Variants in VSNL1 observed in about 807,000 individuals in gnomAD.
VSNL1 encodes visinin-like protein 1.
In VSNL1, 6 loss-of-function variants were observed where a neutral mutation model predicts 20.4. The ratio of observed to expected loss-of-function variants is 0.29; its 90% CI spans 0.16 to 0.58. The LOEUF (loss-of-function observed/expected upper bound fraction) is 0.58. Ranked by LOEUF, VSNL1 falls within the 20% of genes least tolerant of loss-of-function variation. The pLI is 0.90. For synonymous variants in VSNL1, 93 were observed against 86.4 expected (o/e 1.08, Z -0.42); for missense variants, 100 against 234.5 (o/e 0.43, Z 3.75).
intron 2 of VSNL1, among the ~76,000 whole-genome samples, chr2:17,623,669 C>CAAAAAAAAAAA: frequency 1.4e-5 from 1 of 70,350 alleles, no homozygotes; most frequent in Non-Finnish European, 2.7e-5. Context: ...GACTCCATCT[C>CAAAAAAAAAAA]AAAAAAAAAA....
intron 2 of VSNL1, among the ~76,000 whole-genome samples, chr2:17,592,763 T>C (rs1330667822): frequency 6.7e-6 from 1 of 148,740 alleles, no homozygotes; most frequent in Non-Finnish European, 1.5e-5. Flanking sequence ...GAGTGTAGCG[T>C]ATCTCTGGTC....
chr2:17,649,649 G>A lies in VSNL1; in HGVS notation c.378+24G>A, dbSNP rs772815646. On this transcript the variant is annotated intron_variant, in intron 3 of 3. Coordinates refer to ENST00000295156, the MANE Select transcript of VSNL1 (RefSeq NM_003385.5). The surrounding 1 kb of genome is among the most constrained non-coding windows in gnomAD (Gnocchi z 6.4). The stretch of plus-strand genomic sequence containing the variant: ...AGGTGAGGCCCGGGGTGTGGTTGGC[G>A]GGTGGTGGGCACAGAAGGAGACCCC... 1.5e-5 allele frequency: 24 copies of A among 1,612,352 alleles called. No homozygotes were observed. Among genetic ancestry groups the A allele is most frequent in the South Asian group, 9.9e-5 (9 of 90,944 alleles).
intron 2 of VSNL1, among the ~76,000 whole-genome samples, chr2:17,606,218 T>C (rs187807442): frequency 1.3e-5 from 2 of 152,312 alleles, no homozygotes; most frequent in East Asian, 3.9e-4. Flanking sequence ...GTGCTTTCCT[T>C]TCCTATAGTC....
At position 17,642,523 on chromosome 2, in the gene VSNL1, T is replaced by C. The variant is rs181598079; in HGVS notation, c.163-6887T>C. ...CAGGGTTTCACCGTGTTAGCCAGGA[T>C]GGTCTCGATCTCTTGACCTTGTGAT... On this transcript the variant is annotated intron_variant, in intron 2 of 3. Coordinates refer to ENST00000295156, the MANE Select transcript of VSNL1 (RefSeq NM_003385.5). Among the ~76,000 whole-genome samples, 1,140 of 152,164 alleles carry C rather than the reference T, an allele frequency of 7.5e-3. 10 individuals are homozygous for C. The highest frequency in any genetic ancestry group is 0.026 in the African/African-American group (1,073 of 41,504).
At chr2:17,605,278 T>C (rs1418799687) in intron 2 of VSNL1, among the ~76,000 whole-genome samples, 1 of 152,212 alleles carries the variant, frequency 6.6e-6, no homozygotes, top group Non-Finnish European at 1.5e-5. Flanking sequence ...TAGGATCTGC[T>C]CCAGGGGACT....
rs145570987 is a variant in VSNL1, at chr2:17,653,556, G to A, written c.379-1641G>A. Among the ~76,000 whole-genome samples, 52 of 152,216 alleles carry A rather than the reference G, an allele frequency of 3.4e-4. No individual in the cohort carries two copies. The East Asian group carries it at 6.8e-3, about 20-fold the overall frequency. On this transcript the variant is annotated intron_variant, in intron 3 of 3. Coordinates refer to ENST00000295156, the MANE Select transcript of VSNL1 (RefSeq NM_003385.5). ...CCAATTATCCACAAAATGAAATTTC[G>A]GAAAGTCTGCCTCTTTTAGAGACAA...
At chr2:17,640,255 A>AG (rs1665853940) in intron 2 of VSNL1, among the ~76,000 whole-genome samples, 1 of 150,134 alleles carries the variant, frequency 6.7e-6, no homozygotes, top group Non-Finnish European at 1.5e-5. Context: ...TCTGTTTCAA[A>AG]AAAAAAAAAA....
chr2:17,642,309 C>CTGTTTTTTTTTTT (rs1665897688), intron 2 of VSNL1, among the ~76,000 whole-genome samples: 1 of 93,194 alleles, frequency 1.1e-5, no homozygotes, highest in Non-Finnish European at 2.3e-5. Context: ...GTGAGCATTC[C>CTGTTTTTTTTTTT]TTTTTTTTTT....
intron 2 of VSNL1, among the ~76,000 whole-genome samples, chr2:17,627,497 A>G (rs945541010): frequency 6.6e-6 from 1 of 152,182 alleles, no homozygotes; most frequent in African/African-American, 2.4e-5. Flanking sequence ...AGTCTCTCTG[A>G]AAACCTGGGG....
rs1303247688 is a variant in VSNL1, at chr2:17,645,507, G to C, written c.163-3903G>C. Among the ~76,000 whole-genome samples the C allele has an allele frequency of 4.6e-5, 7 of 152,362 alleles. No individual in the cohort carries two copies. The South Asian group carries it at 1.2e-3, about 27-fold the overall frequency. On this transcript the variant is annotated intron_variant, in intron 2 of 3. Transcript: ENST00000295156. ...GGGGTGCAGAGGAAATGTGTCACTG[G>C]AGAGAGGCACAGTGTTTGTAGATCA...
intron 2 of VSNL1, among the ~76,000 whole-genome samples, chr2:17,596,957 C>A (rs544987477): frequency 9.8e-5 from 15 of 152,330 alleles, no homozygotes; most frequent in Admixed American, 3.9e-4. Context: ...TCCTGATTGA[C>A]GATCCTCTCA....
At chr2:17,566,399 C>T (rs1663944438) in intron 1 of VSNL1, among the ~76,000 whole-genome samples, 1 of 152,152 alleles carries the variant, frequency 6.6e-6, no homozygotes, top group South Asian at 2.1e-4. Flanking sequence ...TGCTCTACAT[C>T]TTTGCAGTCA....
intron 2 of VSNL1, among the ~76,000 whole-genome samples, chr2:17,626,489 A>G (rs751726473): frequency 1.2e-4 from 19 of 152,120 alleles, no homozygotes; most frequent in Non-Finnish European, 2.1e-4. Flanking sequence ...CAGGGAGCAA[A>G]ATGCCCATTT....
chr2:17,650,514 A>G (rs1666100821), intron 3 of VSNL1, among the ~76,000 whole-genome samples: 1 of 152,102 alleles, frequency 6.6e-6, no homozygotes, highest in Non-Finnish European at 1.5e-5. Context: ...CCTTTGATTG[A>G]CTGTCTTAGC....
At chr2:17,647,123 A>T (rs1322276261) in intron 2 of VSNL1, among the ~76,000 whole-genome samples, 1 of 152,178 alleles carries the variant, frequency 6.6e-6, no homozygotes, top group Admixed American at 6.5e-5. Context: ...TTTACAATTG[A>T]TTTTTCTCTC....
At chr2:17,653,555 C>T (rs542220046) in intron 3 of VSNL1, among the ~76,000 whole-genome samples, 28 of 152,278 alleles carry the variant, frequency 1.8e-4, no homozygotes, top group African/African-American at 6.0e-4. Context: ...AATGAAATTT[C>T]GGAAAGTCTG....
intron 2 of VSNL1, among the ~76,000 whole-genome samples, chr2:17,630,142 A>G (rs944210498): frequency 2.2e-4 from 33 of 152,248 alleles, no homozygotes; most frequent in African/African-American, 8.0e-4. Flanking sequence ...TTTTACTTGT[A>G]GCTTGGATTT....
Position 17,655,242 on chromosome 2 carries a change from G to A in VSNL1, c.424G>A (p.Glu142Lys). The stretch of plus-strand genomic sequence containing the variant: ...CACTGTGATCATGATGAAAATGAAT[G>A]AGGATGGCCTGACGCCTGAGCAGCG... ...VGTVIMMKMN[E>K]DGLTPEQRVD... Residue 142 changes from glutamate (E) to lysine (K), a missense_variant, in exon 4 of 4, where the codon GAG (glutamate) becomes AAG (lysine). Transcript: ENST00000295156. This position sits in a 1 kb window ranked among gnomAD's most constrained non-coding sequence, Gnocchi z 5.2. The A allele has an allele frequency of 6.2e-7, 1 of 1,614,144 alleles. No homozygotes were observed. The highest frequency in any genetic ancestry group is 8.5e-7 in the Non-Finnish European group (1 of 1,180,034).
chr2:17,584,452 G>GC, intron 1 of VSNL1, among the ~76,000 whole-genome samples: 2 of 152,260 alleles, frequency 1.3e-5, no homozygotes, highest in South Asian at 4.1e-4. Flanking sequence ...TTGACCCTTT[G>GC]CAGATCAGAG....
Sources: gnomAD v4.1 joint callset for allele counts (sites outside exome capture counted in the v4.1 genomes callset) on GRCh38, gnomAD v4.1.1 for gene constraint, Gnocchi (gnomAD v3.1) non-coding constraint, MANE v1.5 for transcripts, NCBI Gene and HGNC (gene_info 2026-07-23, HGNC 2026-07-21) for gene names.